WDR82: variants seen among roughly 807,000 people sequenced by gnomAD.
WDR82 encodes WD repeat-containing protein 82.
In WDR82, 8 loss-of-function variants were observed where a neutral mutation model predicts 36.1. The observed-to-expected ratio is 0.22, with a 90% CI of 0.13 to 0.40. WDR82 has a LOEUF of 0.40. Among genes scored for constraint, WDR82 ranks in the 10% least tolerant of loss-of-function variants. The probability of loss-of-function intolerance (pLI) is 1.00; values close to 1 mark genes in which losing one functional copy is unlikely to be tolerated. For missense variants in WDR82, 185 were observed against 400.5 expected (o/e 0.46, Z 4.59); for synonymous variants, 129 against 137.8 (o/e 0.94, Z 0.45).
intron 8 of WDR82, 55 bp downstream of exon 8, chr3:52,258,481 C>T: frequency 6.2e-7 from 1 of 1,607,472 alleles, no homozygotes; most frequent in Non-Finnish European, 8.5e-7. Flanking sequence ...GAGGCACCCA[C>T]CACCCCAACT....
intron 1 of WDR82, 22 bp downstream of exon 1, chr3:52,278,179 C>T: frequency 6.3e-7 from 1 of 1,580,010 alleles, no homozygotes. Flanking sequence ...AGACTCGGGC[C>T]CAGGGCCTCC....
chr3:52,260,265 G>T, intron 5 of WDR82, 120 bp downstream of exon 5: 4 of 644,450 alleles, frequency 6.2e-6, no homozygotes, highest in South Asian at 2.3e-5. Flanking sequence ...GGAGGCAGAG[G>T]TTGCAGTGAG....
At chr3:52,258,276 C>A (rs1057210650) in intron 8 of WDR82, among the ~76,000 whole-genome samples, 4 of 152,126 alleles carry the variant, frequency 2.6e-5, no homozygotes, top group Non-Finnish European at 4.4e-5. Flanking sequence ...GGGTCCAGAG[C>A]AAAAACTGGC....
intron 2 of WDR82, 76 bp downstream of exon 2, chr3:52,270,619 AAAGTAGTCACAAAGCAG>A: frequency 3.3e-6 from 3 of 921,626 alleles, no homozygotes; most frequent in Admixed American, 2.4e-5. Flanking sequence ...TACTTAAACT[AAAGTAGTCACAAAGCAG>A]AAGTAGTCAC....
intron 3 of WDR82, among the ~76,000 whole-genome samples, chr3:52,265,554 C>G (rs564521225): frequency 6.7e-6 from 1 of 149,922 alleles, no homozygotes; most frequent in South Asian, 2.1e-4. Flanking sequence ...GCCTGCCCAA[C>G]TGGAAGTGCA....
chr3:52,275,545 T>C (rs1420202245), intron 1 of WDR82, among the ~76,000 whole-genome samples: 2 of 152,158 alleles, frequency 1.3e-5, no homozygotes, highest in African/African-American at 4.8e-5. Flanking sequence ...AATTTCCTAA[T>C]TTGGATAACT....
chr3:52,271,379 G>A (rs951754204), intron 1 of WDR82, among the ~76,000 whole-genome samples: 2 of 152,004 alleles, frequency 1.3e-5, no homozygotes, highest in Non-Finnish European at 2.9e-5. Flanking sequence ...AGATTATACC[G>A]TCAGGTTTGT....
chr3:52,277,520 G>C (rs996086076), intron 1 of WDR82, among the ~76,000 whole-genome samples: 8 of 152,214 alleles, frequency 5.3e-5, no homozygotes, highest in African/African-American at 1.9e-4. Flanking sequence ...AAGTTCGTTT[G>C]TGTGTGGCAA....
At chr3:52,274,943 C>G (rs934482205) in intron 1 of WDR82, among the ~76,000 whole-genome samples, 2 of 152,010 alleles carry the variant, frequency 1.3e-5, no homozygotes, top group Non-Finnish European at 2.9e-5. Flanking sequence ...AAAAGAAAGG[C>G]CGGGCGCAGT....
chr3:52,257,385 C>G lies in WDR82; in HGVS notation c.*105G>C. The G allele has an allele frequency of 1.3e-6, 2 of 1,504,550 alleles. No homozygotes were observed. Among genetic ancestry groups the G allele is most frequent in the Non-Finnish European group, 1.8e-6 (2 of 1,081,988 alleles). The allele number at this position is 1,504,550 out of a possible 1,614,324, so 93.2% of individuals were successfully genotyped here. ...TGGGAAGGCCATGTAAAAGGATGTT[C>G]TCCAGCCCAGTCAAATGATCCAATC... is the stretch of plus-strand genomic sequence containing the variant. On this transcript the variant is annotated 3_prime_UTR_variant, in exon 9 of 9. Coordinates refer to ENST00000296490, the MANE Select transcript of WDR82 (RefSeq NM_025222.4).
intron 7 of WDR82, 25 bp from the exon 8 acceptor site, chr3:52,258,703 G>A (rs774123117): frequency 1.2e-6 from 2 of 1,613,952 alleles, no homozygotes; most frequent in African/African-American, 1.3e-5. Flanking sequence ...CACGGAAAAT[G>A]TAACAGCTCA....
At chr3:52,268,248 A>G (rs1318441157) in intron 2 of WDR82, 4 of 465,472 alleles carry the variant, frequency 8.6e-6, no homozygotes, top group Non-Finnish European at 1.8e-5. Context: ...CCATCCTCTC[A>G]GCCCCACTTG....
At chr3:52,275,431 CCTAA>C (rs1191452534) in intron 1 of WDR82, among the ~76,000 whole-genome samples, 1 of 152,168 alleles carries the variant, frequency 6.6e-6, no homozygotes. Context: ...CCAGTTCCCT[CCTAA>C]CTACCAGGCC....
intron 1 of WDR82, among the ~76,000 whole-genome samples, chr3:52,272,416 C>T (rs544734799): frequency 2.6e-5 from 4 of 152,074 alleles, no homozygotes; most frequent in Non-Finnish European, 4.4e-5. Flanking sequence ...TGGTGGCCCA[C>T]GCCTGTAGTC....
At position 52,266,448 on chromosome 3, in the gene WDR82, A is replaced by G. The variant is rs540704348; in HGVS notation, c.326+504T>C. Among the ~76,000 whole-genome samples, 10 of 152,170 alleles carry G rather than the reference A, an allele frequency of 6.6e-5. No individual in the cohort carries two copies. In the South Asian group the frequency reaches 8.3e-4, roughly 13 times the overall value. On this transcript the variant is annotated intron_variant, in intron 3 of 8. Coordinates refer to ENST00000296490, the MANE Select transcript of WDR82 (RefSeq NM_025222.4). ...AACTAGAAAAAATATATATACATAT[A>G]TATCTTTGAGACGGAGTCTCACTCT...
intron 4 of WDR82, 51 bp from the exon 5 acceptor site, chr3:52,260,552 A>T (rs1182838870): frequency 7.8e-7 from 1 of 1,285,892 alleles, no homozygotes; most frequent in Admixed American, 2.6e-5. Context: ...CCACAACCAT[A>T]CGTGGAATAA....
intron 4 of WDR82, among the ~76,000 whole-genome samples, 171 bp downstream of exon 4, chr3:52,261,209 G>A (rs1173263057): frequency 6.6e-6 from 1 of 152,170 alleles, no homozygotes; most frequent in African/African-American, 2.4e-5. Context: ...CACTAGATTA[G>A]GGTATGTGCT....
rs182535192 is a variant in WDR82 at position 52,276,425 on chromosome 3, C to T, written c.161+1776G>A. Reference sequence around the variant, plus strand: ...CAGCCTGGGCGACGGAGAGAGACTCCGTCCCCCACCCGAAAAAAAAAAACA... The same window carrying T: ...CAGCCTGGGCGACGGAGAGAGACTCTGTCCCCCACCCGAAAAAAAAAAACA... On this transcript the variant is annotated intron_variant, in intron 1 of 8. Coordinates refer to ENST00000296490, the MANE Select transcript of WDR82 (RefSeq NM_025222.4). Among the ~76,000 whole-genome samples the T allele has an allele frequency of 1.2e-3, 184 of 151,310 alleles. 2 individuals carry two copies. Among genetic ancestry groups the T allele is most frequent in the African/African-American group, 4.3e-3 (178 of 41,142 alleles).
chr3:52,261,374 C>T lies in WDR82; in HGVS notation c.426+6G>A. The T allele has an allele frequency of 1.2e-6, 2 of 1,608,436 alleles. No homozygotes were observed. The highest frequency in any genetic ancestry group is 2.2e-5 in the South Asian group (2 of 90,318). On this transcript the variant is annotated splice_donor_region_variant and intron_variant, in intron 4 of 8. Transcript: ENST00000296490. ...CTCAAAAAGTATAACTGTGAGGTAC[C>T]ATTACCTGGCAGTTAGGAGACCGGA...
Sources: gnomAD v4.1 joint callset for allele counts (sites outside exome capture counted in the v4.1 genomes callset) on GRCh38, gnomAD v4.1.1 for gene constraint, MANE v1.5 for transcripts, NCBI Gene and HGNC (gene_info 2026-07-23, HGNC 2026-07-21) for gene names.